ADCY1: variants seen among roughly 807,000 people sequenced by gnomAD.
The protein encoded by ADCY1 is adenylate cyclase type 1.
Under a neutral mutation model 105.4 loss-of-function variants are expected in ADCY1, and 28 were observed. That is an observed-to-expected ratio of 0.27 (90% CI 0.20 to 0.36). The LOEUF (loss-of-function observed/expected upper bound fraction) is 0.36. Ranked by LOEUF, ADCY1 falls within the 10% of genes least tolerant of loss-of-function variation. The pLI, the probability that ADCY1 is intolerant of heterozygous loss-of-function variation, is 1.00. For missense variants in ADCY1, 977 were observed against 1,434.2 expected (o/e 0.68, Z 5.15); for synonymous variants, 655 against 623.8 (o/e 1.05, Z -0.75).
rs972953261 is a variant in ADCY1 at position 45,721,974 on chromosome 7, T to C, written c.*7979T>C. 2 of 396,750 alleles carry C rather than the reference T, an allele frequency of 5.0e-6. No individual in the cohort carries two copies. The highest frequency in any genetic ancestry group is 8.8e-5 in the Admixed American group (2 of 22,678). The allele number at this position is 396,750 out of a possible 1,614,324, so 24.6% of individuals were successfully genotyped here. On this transcript the variant is annotated 3_prime_UTR_variant, in exon 20 of 20. Coordinates refer to ENST00000297323, the MANE Select transcript of ADCY1 (RefSeq NM_021116.4). ...GCTGAATAAATATCTCGTGCAGGACTGTGCAACAGTAGCCCAGAGCATCCT... is the reference window on the plus strand; with the variant it reads ...GCTGAATAAATATCTCGTGCAGGACCGTGCAACAGTAGCCCAGAGCATCCT...
In ADCY1 at chr7:45,648,761, G is replaced by C; in HGVS notation, c.1112G>C (p.Cys371Ser). ...CCCAAGACTGACCATGCCCACTGCT[G>C]TGTGGAGATGGGACTCGACATGATT... is the stretch of plus-strand genomic sequence containing the variant. Reference protein sequence around the residue: ...TQPKTDHAHCCVEMGLDMIDT... With the variant: ...TQPKTDHAHCSVEMGLDMIDT... Residue 371 changes from cysteine to serine, a missense_variant, in exon 5 of 20, where the codon TGT (cysteine) becomes TCT (serine). By Grantham distance (112) the Cys-to-Ser change is moderately radical (BLOSUM62 -1). Around this residue, in one of 7 missense-constraint regions of ADCY1, gnomAD observed 196 missense variants for 347.8 expected, o/e 0.56. Transcript: ENST00000297323. 4 of 1,614,194 alleles carry C rather than the reference G, an allele frequency of 2.5e-6. No individual in the cohort carries two copies. The highest frequency in any genetic ancestry group is 1.1e-5 in the South Asian group (1 of 91,088).
intron 4 of ADCY1, among the ~76,000 whole-genome samples, chr7:45,635,287 A>G (rs1398022101): frequency 6.6e-6 from 1 of 151,858 alleles, no homozygotes; most frequent in East Asian, 1.9e-4. Context: ...TTTTGGCTAC[A>G]AGTTTATCAA....
intron 3 of ADCY1, among the ~76,000 whole-genome samples, chr7:45,610,759 T>G (rs878934050): frequency 0.023 from 30 of 1,318 alleles, 2 homozygotes; most frequent in Middle Eastern, 0.25. Context: ...GATGGAGGTG[T>G]AGAGGTGATA....
intron 3 of ADCY1, among the ~76,000 whole-genome samples, chr7:45,614,252 CAT>C (rs753163294): frequency 1.3e-5 from 2 of 151,850 alleles, no homozygotes; most frequent in Non-Finnish European, 2.9e-5. Context: ...ACTGTGACAA[CAT>C]AAAATAAATT....
chr7:45,608,292 G>T (rs139061609), intron 2 of ADCY1, among the ~76,000 whole-genome samples: 108 of 152,292 alleles, frequency 7.1e-4, no homozygotes, highest in African/African-American at 2.5e-3. Flanking sequence ...TTTAATGAAG[G>T]TTATTTGGTT....
intron 2 of ADCY1, among the ~76,000 whole-genome samples, chr7:45,597,246 C>T (rs1317067781): frequency 6.6e-6 from 1 of 152,238 alleles, no homozygotes; most frequent in East Asian, 1.9e-4. Context: ...ATGGAGATGG[C>T]TGCAGCAGCA....
chr7:45,658,940 C>G (rs1795016475), intron 6 of ADCY1, among the ~76,000 whole-genome samples: 1 of 152,224 alleles, frequency 6.6e-6, no homozygotes, highest in Admixed American at 6.5e-5. Context: ...AGCATCCCAG[C>G]AGGGACTGGG....
intron 1 of ADCY1, among the ~76,000 whole-genome samples, chr7:45,582,778 A>G (rs1792599522): frequency 1.3e-5 from 2 of 152,032 alleles, no homozygotes; most frequent in East Asian, 1.9e-4. Flanking sequence ...CTCCTACCCC[A>G]TGTGTGTTTC....
intron 4 of ADCY1, among the ~76,000 whole-genome samples, chr7:45,634,634 T>C (rs113085217): frequency 6.6e-6 from 1 of 152,168 alleles, no homozygotes; most frequent in East Asian, 1.9e-4. Flanking sequence ...GTTTGACATA[T>C]GCTGTTTTGA....
At chr7:45,674,522 C>T (rs1177652621) in intron 8 of ADCY1, among the ~76,000 whole-genome samples, 8 of 152,038 alleles carry the variant, frequency 5.3e-5, no homozygotes, top group African/African-American at 1.2e-4. Context: ...TACAGGCACC[C>T]GCCACCACGC....
chr7:45,578,302 G>A (rs77226271), intron 1 of ADCY1, among the ~76,000 whole-genome samples: 5 of 151,660 alleles, frequency 3.3e-5, no homozygotes, highest in African/African-American at 7.3e-5. Context: ...CCGGCACTGA[G>A]GGGGAGGTAT....
chr7:45,608,217 T>A (rs1008680443), intron 2 of ADCY1, among the ~76,000 whole-genome samples: 6 of 152,248 alleles, frequency 3.9e-5, no homozygotes, highest in Non-Finnish European at 7.3e-5. Flanking sequence ...GAGCATTTTT[T>A]CATGTTTGTT....
rs775993806 is a variant in ADCY1 at position 45,679,802 on chromosome 7, G to A, written c.1983+9G>A. On this transcript the variant is annotated intron_variant, in intron 11 of 19. Coordinates refer to ENST00000297323, the MANE Select transcript of ADCY1 (RefSeq NM_021116.4). Reference sequence around the variant, plus strand: ...ACATCACCCGGGTCCAGGTATGTGGGTGGCCTGTGTCCTGTACCTGCATAT... The same window carrying A: ...ACATCACCCGGGTCCAGGTATGTGGATGGCCTGTGTCCTGTACCTGCATAT... 2 of 1,614,044 alleles carry A rather than the reference G, an allele frequency of 1.2e-6. No homozygotes were observed. Among genetic ancestry groups the A allele is most frequent in the Admixed American group, 3.3e-5 (2 of 60,022 alleles).
rs112821672 is a variant in ADCY1, at chr7:45,642,064, C to G, written c.1021-6606C>G. 3.4e-3 allele frequency among the ~76,000 whole-genome samples: 516 copies of G among 152,078 alleles called. 4 individuals are homozygous for G. The highest frequency in any genetic ancestry group is 0.012 in the African/African-American group (491 of 41,462). On this transcript the variant is annotated intron_variant, in intron 4 of 19. Transcript: ENST00000297323. ...TGACTGAACAATGACACAGACAGTC[C>G]CGTGCCATTGAGGGAAGTTTATTAC...
chr7:45,592,934 A>G, intron 2 of ADCY1, 26 bp downstream of exon 2: 2 of 1,612,734 alleles, frequency 1.2e-6, no homozygotes, highest in Non-Finnish European at 1.7e-6. Context: ...CAGTCAGCCT[A>G]GAGGGGTTGG....
chr7:45,616,102 A>G (rs1793730617), intron 3 of ADCY1, among the ~76,000 whole-genome samples: 1 of 152,234 alleles, frequency 6.6e-6, no homozygotes, highest in Admixed American at 6.5e-5. Flanking sequence ...GATAAATGTC[A>G]AGAAACATAC....
chr7:45,652,107 A>T (rs1562707693), intron 5 of ADCY1, among the ~76,000 whole-genome samples: 1 of 152,222 alleles, frequency 6.6e-6, no homozygotes, highest in East Asian at 1.9e-4. Context: ...GGCAGGAGAG[A>T]GAGAGCAAAG....
At chr7:45,654,216 G>A (rs1794883497) in intron 5 of ADCY1, among the ~76,000 whole-genome samples, 1 of 152,168 alleles carries the variant, frequency 6.6e-6, no homozygotes, top group Admixed American at 6.5e-5. Context: ...GGATTTTTCT[G>A]TCCACTTCAT....
chr7:45,697,453 C>T (rs180854003), intron 14 of ADCY1, among the ~76,000 whole-genome samples: 7 of 146,830 alleles, frequency 4.8e-5, no homozygotes, highest in Admixed American at 1.4e-4. Context: ...TGCAATGGCA[C>T]GATCTTGGCT....
Sources: gnomAD v4.1 joint callset for allele counts (sites outside exome capture counted in the v4.1 genomes callset) on GRCh38, gnomAD v4.1.1 for gene constraint, gnomAD v4.1.1 regional missense constraint, MANE v1.5 for transcripts, NCBI Gene and HGNC (gene_info 2026-07-23, HGNC 2026-07-21) for gene names.